The following RBFOX3 variants were observed in gnomAD, a reference collection of about 807,000 sequenced individuals.
RBFOX3 encodes the protein RNA binding fox-1 homolog 3, also known as RNA binding protein fox-1 homolog 3.
In RBFOX3, 17 loss-of-function variants were observed where a neutral mutation model predicts 48.7. The observed-to-expected ratio is 0.35, with a 90% CI of 0.24 to 0.52. The LOEUF is 0.52. RBFOX3 is among the 20% of genes least tolerant of loss of function. The pLI, the probability that RBFOX3 is intolerant of heterozygous loss-of-function variation, is 0.94. For synonymous variants in RBFOX3, 212 were observed against 209.5 expected (o/e 1.01, Z -0.10); for missense variants, 382 against 497.5 (o/e 0.77, Z 2.21).
chr17:79,382,349 G>C (rs1157276539), intron 2 of RBFOX3, among the ~76,000 whole-genome samples: 1 of 152,222 alleles, frequency 6.6e-6, no homozygotes, highest in African/African-American at 2.4e-5. Context: ...CTCCAGGTTG[G>C]GGGCTAAGCC....
At chr17:79,219,661 T>G (rs988139364) in intron 4 of RBFOX3, among the ~76,000 whole-genome samples, 4 of 151,978 alleles carry the variant, frequency 2.6e-5, no homozygotes, top group South Asian at 2.1e-4. Flanking sequence ...GCGCCTACTC[T>G]CCCCAGGGCC....
chr17:79,575,668 GA>G lies in RBFOX3; in HGVS notation c.-320+35157del, dbSNP rs1481766195. Among the ~76,000 whole-genome samples the G allele has an allele frequency of 2.0e-4, 30 of 152,206 alleles. No homozygotes were observed. In the South Asian group the frequency reaches 6.3e-3, roughly 32 times the overall value. ...GCTATTCTAAATGAGGCTAAAAATTGAACAACTAGGGCACCTCTGTCTTAGC... is the reference window on the plus strand; with the variant it reads ...GCTATTCTAAATGAGGCTAAAAATTGACAACTAGGGCACCTCTGTCTTAGC... On this transcript the variant is annotated intron_variant, in intron 1 of 14. Transcript: ENST00000693108.
At chr17:79,348,571 C>CTTTTTTTTT (rs71358701) in intron 2 of RBFOX3, among the ~76,000 whole-genome samples, 2 of 75,144 alleles carry the variant, frequency 2.7e-5, no homozygotes, top group Non-Finnish European at 4.6e-5. Flanking sequence ...TTTTCTTTTC[C>CTTTTTTTTT]TTTTTTTTTT....
At chr17:79,286,460 G>A (rs754180177) in intron 3 of RBFOX3, among the ~76,000 whole-genome samples, 22 of 152,136 alleles carry the variant, frequency 1.4e-4, no homozygotes, top group Non-Finnish European at 2.8e-4. Flanking sequence ...TGCTCCCAAA[G>A]ACCAGCAAAG....
chr17:79,509,454 A>G (rs2083749344), intron 1 of RBFOX3, among the ~76,000 whole-genome samples: 1 of 151,958 alleles, frequency 6.6e-6, no homozygotes. Flanking sequence ...CTGCAGGTCC[A>G]GAAACACTTG....
intron 2 of RBFOX3, among the ~76,000 whole-genome samples, chr17:79,342,582 G>T (rs1568076164): frequency 2.0e-5 from 3 of 152,168 alleles, no homozygotes; most frequent in Non-Finnish European, 4.4e-5. Context: ...GCTCAACCTG[G>T]GTGTTCACAG....
intron 2 of RBFOX3, among the ~76,000 whole-genome samples, chr17:79,422,417 G>A (rs945660674): frequency 6.6e-6 from 1 of 150,692 alleles, no homozygotes; most frequent in African/African-American, 2.5e-5. Flanking sequence ...TCCACTCCCA[G>A]GCCGGTGCCT....
At chr17:79,121,775 A>G (rs1381410352) in intron 4 of RBFOX3, among the ~76,000 whole-genome samples, 1 of 152,046 alleles carries the variant, frequency 6.6e-6, no homozygotes, top group African/African-American at 2.4e-5. Flanking sequence ...ATGGGCCCCA[A>G]AGCTCAGAAC....
At chr17:79,551,511 GTGGA>G (rs2091144906) in intron 1 of RBFOX3, among the ~76,000 whole-genome samples, 1 of 119,908 alleles carries the variant, frequency 8.3e-6, no homozygotes, top group Non-Finnish European at 1.9e-5. Flanking sequence ...GGACGGGTAG[GTGGA>G]TGGGTGGATG....
In RBFOX3 at chr17:79,480,254, C is replaced by T. The variant is rs1371720073; in HGVS notation, c.-175+2200G>A. Among the ~76,000 whole-genome samples the T allele has an allele frequency of 1.3e-5, 2 of 152,108 alleles. No homozygotes were observed. Among genetic ancestry groups the T allele is most frequent in the East Asian group, 1.9e-4 (1 of 5,182 alleles). ...ATGGTTTACGGAATGGGGTGACAGC[C>T]GTTTCAGCAGAGGAGGGGAGTTGTT... On this transcript the variant is annotated intron_variant, in intron 2 of 14. Transcript: ENST00000693108. This position sits in a 1 kb window ranked among gnomAD's most constrained non-coding sequence, Gnocchi z 4.8.
chr17:79,333,343 G>A (rs1048056665), intron 2 of RBFOX3, among the ~76,000 whole-genome samples: 10 of 152,186 alleles, frequency 6.6e-5, no homozygotes, highest in African/African-American at 2.2e-4. Flanking sequence ...CCTGCGTACT[G>A]TGCTCTGCAA....
intron 2 of RBFOX3, among the ~76,000 whole-genome samples, chr17:79,401,975 A>T (rs2062870455): frequency 6.6e-6 from 1 of 152,180 alleles, no homozygotes; most frequent in African/African-American, 2.4e-5. Context: ...CGGCTCTCTT[A>T]CAGGTGAGAC....
In RBFOX3 at chr17:79,514,103, T is replaced by C. The variant is rs913702351; in HGVS notation, c.-319-31505A>G. On this transcript the variant is annotated intron_variant, in intron 1 of 14. Transcript: ENST00000693108. The stretch of plus-strand genomic sequence containing the variant: ...CTCTGGAGTTGCTGGGTGGGGACCA[T>C]GTGTATCAGACTTGCCTATGACAGC... 1.6e-4 allele frequency among the ~76,000 whole-genome samples: 24 copies of C among 152,216 alleles called. No individual in the cohort carries two copies. In the South Asian group the frequency reaches 3.9e-3, roughly 25 times the overall value.
intron 2 of RBFOX3, among the ~76,000 whole-genome samples, chr17:79,380,606 G>C (rs1197224244): frequency 6.6e-6 from 1 of 152,160 alleles, no homozygotes; most frequent in Non-Finnish European, 1.5e-5. Context: ...GGAAATGGGA[G>C]AAAAATGGGT....
chr17:79,457,674 A>G (rs1178766510), intron 2 of RBFOX3, among the ~76,000 whole-genome samples: 2 of 152,190 alleles, frequency 1.3e-5, no homozygotes, highest in African/African-American at 4.8e-5. Flanking sequence ...CAGAGAATGA[A>G]TGCGTCCTAG....
At chr17:79,386,459 G>T in intron 2 of RBFOX3, among the ~76,000 whole-genome samples, 1 of 152,354 alleles carries the variant, frequency 6.6e-6, no homozygotes, top group East Asian at 1.9e-4. Flanking sequence ...AAAGTTACTA[G>T]TCCAAAGTCG....
At chr17:79,432,137 T>C (rs1239507573) in intron 2 of RBFOX3, among the ~76,000 whole-genome samples, 1 of 152,230 alleles carries the variant, frequency 6.6e-6, no homozygotes, top group African/African-American at 2.4e-5. Context: ...TTTCCTTCCT[T>C]TTCAAGGCTG....
chr17:79,615,898 G>A (rs1189949489), upstream of RBFOX3, among the ~76,000 whole-genome samples: 1 of 152,164 alleles, frequency 6.6e-6, no homozygotes, highest in Non-Finnish European at 1.5e-5. Context: ...TGCGGTTCCA[G>A]AGTTTCACAT....
At position 79,148,414 on chromosome 17, in the gene RBFOX3, T is replaced by TG. The variant is rs1337257577; in HGVS notation, c.-33-32667dup. Among the ~76,000 whole-genome samples, 3 of 152,088 alleles carry TG rather than the reference T, an allele frequency of 2.0e-5. No homozygotes were observed. In the East Asian group the frequency reaches 5.8e-4, roughly 29 times the overall value. ...CTGCTGGGGCCTGGGTGACAGAAGT[T>TG]GGGGGGTGGAAGGGGCAGGGCTCAT... On this transcript the variant is annotated intron_variant, in intron 4 of 14. Coordinates refer to ENST00000693108, the MANE Select transcript of RBFOX3 (RefSeq NM_001350451.2).
Sources: gnomAD v4.1 joint callset for allele counts (sites outside exome capture counted in the v4.1 genomes callset) on GRCh38, gnomAD v4.1.1 for gene constraint, Gnocchi (gnomAD v3.1) non-coding constraint, MANE v1.5 for transcripts, NCBI Gene and HGNC (gene_info 2026-07-23, HGNC 2026-07-21) for gene names.